The following MAML3 variants were observed in gnomAD, a reference collection of about 807,000 sequenced individuals.
MAML3 encodes the protein mastermind-like protein 3.
In MAML3, 27 loss-of-function variants were observed where a neutral mutation model predicts 101.9. The ratio of observed to expected loss-of-function variants is 0.27; its 90% confidence interval spans 0.20 to 0.37. MAML3 has a LOEUF of 0.37. Among genes scored for constraint, MAML3 ranks in the 10% least tolerant of loss-of-function variants. The pLI is 1.00. For synonymous variants in MAML3, 501 were observed against 555.9 expected (o/e 0.90, Z 1.39); for missense variants, 1,316 against 1,444.9 (o/e 0.91, Z 1.45).
chr4:140,134,060 C>G (rs1233707877), intron 1 of MAML3: 1 of 454,188 alleles, frequency 2.2e-6, no homozygotes, highest in Non-Finnish European at 4.4e-6. Context: ...GAGGTTGTGA[C>G]AGTTGTATTA....
At chr4:139,766,523 A>C (rs1047132018) in intron 2 of MAML3, among the ~76,000 whole-genome samples, 1 of 152,134 alleles carries the variant, frequency 6.6e-6, no homozygotes, top group African/African-American at 2.4e-5. Flanking sequence ...AATGAGGGGA[A>C]CTGCCAACAA....
At chr4:139,730,835 C>T (rs1439624966) in intron 2 of MAML3, 168 bp from the exon 3 acceptor site, 8 of 632,322 alleles carry the variant, frequency 1.3e-5, no homozygotes, top group Non-Finnish European at 2.2e-5. Context: ...CAAACCCGAC[C>T]TTACCTGAGT....
intron 1 of MAML3, among the ~76,000 whole-genome samples, chr4:140,034,763 G>C (rs554497504): frequency 1.3e-5 from 2 of 152,308 alleles, no homozygotes; most frequent in East Asian, 3.9e-4. Flanking sequence ...AAGTAACAAA[G>C]AGGGCATTGC....
At chr4:139,727,944 C>T (rs1041654788) in intron 3 of MAML3, among the ~76,000 whole-genome samples, 3 of 152,074 alleles carry the variant, frequency 2.0e-5, no homozygotes, top group East Asian at 1.9e-4. Flanking sequence ...GGCCGGGTGC[C>T]GTGGCTCACA....
rs184254351 is a variant in MAML3, at chr4:139,785,586, A to G, written c.2080-54919T>C. Among the ~76,000 whole-genome samples the G allele has an allele frequency of 2.6e-5, 4 of 152,266 alleles. No homozygotes were observed. Among genetic ancestry groups the G allele is most frequent in the Admixed American group, 6.5e-5 (1 of 15,294 alleles). On this transcript the variant is annotated intron_variant, in intron 2 of 4. Transcript: ENST00000509479. The surrounding 1 kb of genome is among the most constrained non-coding windows in gnomAD (Gnocchi z 4.3). ...ACTGCGGAGTATTGTTTGGAAAAATATCACCCAGCACGAACAATATGGCTC... is the reference window on the plus strand; with the variant it reads ...ACTGCGGAGTATTGTTTGGAAAAATGTCACCCAGCACGAACAATATGGCTC...
intron 1 of MAML3, among the ~76,000 whole-genome samples, chr4:140,105,067 A>C (rs1008099893): frequency 2.6e-5 from 4 of 152,146 alleles, no homozygotes; most frequent in Non-Finnish European, 5.9e-5. Flanking sequence ...CCCCTGCTTA[A>C]CAGAAATATG....
chr4:139,747,721 C>T (rs185464949), intron 2 of MAML3, among the ~76,000 whole-genome samples: 16 of 150,516 alleles, frequency 1.1e-4, no homozygotes, highest in Non-Finnish European at 1.8e-4. Context: ...ATTCCTTGCA[C>T]ACATCATTTG....
At chr4:139,987,555 A>G (rs1192324993) in intron 1 of MAML3, among the ~76,000 whole-genome samples, 3 of 151,862 alleles carry the variant, frequency 2.0e-5, no homozygotes, top group Non-Finnish European at 4.4e-5. Context: ...CAAAATATAA[A>G]CCTGTTCCTT....
intron 1 of MAML3, among the ~76,000 whole-genome samples, chr4:140,077,981 G>A (rs1727799346): frequency 6.6e-6 from 1 of 151,772 alleles, no homozygotes; most frequent in African/African-American, 2.4e-5. Context: ...TCGTGCCAAT[G>A]CACTCCAACC....
intron 1 of MAML3, among the ~76,000 whole-genome samples, chr4:140,093,130 AG>A (rs1281737536): frequency 6.6e-6 from 1 of 152,190 alleles, no homozygotes; most frequent in Non-Finnish European, 1.5e-5. Context: ...TTGGCCCCAA[AG>A]TGTGAGGAAC....
chr4:140,076,222 T>C (rs1727762726), intron 1 of MAML3, among the ~76,000 whole-genome samples: 1 of 152,070 alleles, frequency 6.6e-6, no homozygotes, highest in Non-Finnish European at 1.5e-5. Context: ...TCTAGGAATA[T>C]TCCCTCTCTA....
chr4:140,122,518 C>T (rs992998979), intron 1 of MAML3, among the ~76,000 whole-genome samples: 2 of 152,170 alleles, frequency 1.3e-5, no homozygotes, highest in East Asian at 1.9e-4. Flanking sequence ...TTGGGCCGGG[C>T]GCGGTGGCTC....
intron 1 of MAML3, among the ~76,000 whole-genome samples, chr4:140,109,585 A>G (rs1299647986): frequency 6.6e-6 from 1 of 152,166 alleles, no homozygotes; most frequent in Non-Finnish European, 1.5e-5. Context: ...TCTTCTTTTA[A>G]TAGTCCACTT....
At position 139,735,779 on chromosome 4, in the gene MAML3, G is replaced by A. The variant is rs980875042; in HGVS notation, c.2080-5112C>T. Among the ~76,000 whole-genome samples the A allele has an allele frequency of 1.3e-5, 2 of 152,200 alleles. No individual in the cohort carries two copies. Among genetic ancestry groups the A allele is most frequent in the South Asian group, 2.1e-4 (1 of 4,830 alleles). On this transcript the variant is annotated intron_variant, in intron 2 of 4. Transcript: ENST00000509479. This position sits in a 1 kb window ranked among gnomAD's most constrained non-coding sequence, Gnocchi z 5.8. ...TCAGGAGTGGGGCCCGTGCGTCCCCGGCAGGACCTAGACTGCCTCTCGGCG... is the reference window on the plus strand; with the variant it reads ...TCAGGAGTGGGGCCCGTGCGTCCCCAGCAGGACCTAGACTGCCTCTCGGCG...
chr4:139,812,315 A>G (rs2111113474), intron 2 of MAML3, among the ~76,000 whole-genome samples: 1 of 152,358 alleles, frequency 6.6e-6, no homozygotes, highest in Admixed American at 6.5e-5. Flanking sequence ...GAAGGTGCAC[A>G]TGGGGCTAAA....
Position 140,107,659 on chromosome 4 carries a change from C to T in MAML3, c.468+45201G>A, listed in dbSNP as rs191518796. ...AGCTGGGATTACAGGCGCCCACCAC[C>T]ACACATGGCTAATTTTTGTATTTTT... On this transcript the variant is annotated intron_variant, in intron 1 of 4. Coordinates refer to ENST00000509479, the MANE Select transcript of MAML3 (RefSeq NM_018717.5). Among the ~76,000 whole-genome samples, 115 of 151,990 alleles carry T rather than the reference C, an allele frequency of 7.6e-4. 2 individuals are homozygous for T. The highest frequency in any genetic ancestry group is 7.5e-3 in the South Asian group (36 of 4,798).
chr4:140,083,932 GCACA>G (rs142768616), intron 1 of MAML3, among the ~76,000 whole-genome samples: 20 of 125,994 alleles, frequency 1.6e-4, no homozygotes, highest in African/African-American at 2.5e-4. Flanking sequence ...ACACACGCGC[GCACA>G]CACACACACA....
intron 2 of MAML3, among the ~76,000 whole-genome samples, chr4:139,843,044 G>T (rs1225590775): frequency 2.0e-5 from 3 of 152,016 alleles, no homozygotes; most frequent in Non-Finnish European, 2.9e-5. Context: ...GCCTCCCAAA[G>T]TGCTGGGATT....
intron 1 of MAML3, among the ~76,000 whole-genome samples, chr4:140,015,952 C>CA (rs1726635414): frequency 1.3e-5 from 2 of 151,392 alleles, no homozygotes; most frequent in South Asian, 4.2e-4. Flanking sequence ...GACGCCATCT[C>CA]AAAAAAATAC....
Sources: allele counts gnomAD v4.1 joint callset (sites outside exome capture counted in the v4.1 genomes callset), GRCh38; gene constraint gnomAD v4.1.1; non-coding constraint Gnocchi (gnomAD v3.1); transcripts MANE v1.5; gene names NCBI Gene and HGNC (gene_info 2026-07-23, HGNC 2026-07-21).